FMN1: variants seen among roughly 807,000 people sequenced by gnomAD.
FMN1 encodes formin-1.
In FMN1, 110 loss-of-function variants were observed where a neutral mutation model predicts 132.4. The observed-to-expected ratio is 0.83, with a 90% CI of 0.71 to 0.97. FMN1 has a LOEUF of 0.97. FMN1 is among the 50% of genes least tolerant of loss of function. FMN1 has a pLI of 0.00. For missense variants in FMN1, 1,792 were observed against 1,705.3 expected (o/e 1.05, Z -0.90); for synonymous variants, 722 against 651.7 (o/e 1.11, Z -1.64).
At chr15:33,064,845 T>C in intron 6 of FMN1, 112 bp downstream of exon 6, 1 of 721,258 alleles carries the variant, frequency 1.4e-6, no homozygotes. Context: ...CCCTTCAGCA[T>C]TACATTTTAT....
At chr15:32,988,470 C>G (rs1048280614) in intron 7 of FMN1, among the ~76,000 whole-genome samples, 1 of 152,164 alleles carries the variant, frequency 6.6e-6, no homozygotes, top group Non-Finnish European at 1.5e-5. Flanking sequence ...AAACCTAAGA[C>G]AGCATATTCT....
intron 5 of FMN1, among the ~76,000 whole-genome samples, chr15:33,087,429 C>T (rs2038738563): frequency 1.3e-5 from 2 of 152,100 alleles, no homozygotes; most frequent in African/African-American, 2.4e-5. Context: ...GCCTGTAAGC[C>T]CAGCTTCTCA....
At chr15:32,949,341 A>G (rs2061574593) in intron 9 of FMN1, among the ~76,000 whole-genome samples, 1 of 152,160 alleles carries the variant, frequency 6.6e-6, no homozygotes, top group Admixed American at 6.6e-5. Flanking sequence ...ATACAAGAAC[A>G]AACACATAGA....
At chr15:32,813,534 T>C (rs1419041573) in intron 17 of FMN1, among the ~76,000 whole-genome samples, 3 of 152,220 alleles carry the variant, frequency 2.0e-5, no homozygotes, top group Non-Finnish European at 4.4e-5. Flanking sequence ...ATGAAGGATT[T>C]TGTTCATTCT....
At chr15:33,058,845 TA>T (rs1243470230) in intron 6 of FMN1, among the ~76,000 whole-genome samples, 1 of 152,260 alleles carries the variant, frequency 6.6e-6, no homozygotes, top group African/African-American at 2.4e-5. Flanking sequence ...GTGGTATGAT[TA>T]AATTAAGCTA....
intron 16 of FMN1, among the ~76,000 whole-genome samples, chr15:32,859,256 G>A (rs2059209124): frequency 6.6e-6 from 1 of 152,162 alleles, no homozygotes; most frequent in African/African-American, 2.4e-5. Context: ...AGGTACAAAA[G>A]AAGATAAAAC....
At chr15:33,030,426 ACT>A (rs1297968816) in intron 6 of FMN1, among the ~76,000 whole-genome samples, 2 of 152,124 alleles carry the variant, frequency 1.3e-5, no homozygotes, top group African/African-American at 2.4e-5. Flanking sequence ...AAATCACGTC[ACT>A]CTGTGGATCT....
chr15:32,901,362 A>T (rs1264115167), intron 13 of FMN1, among the ~76,000 whole-genome samples: 1 of 152,234 alleles, frequency 6.6e-6, no homozygotes, highest in Non-Finnish European at 1.5e-5. Flanking sequence ...GAGAAGAATA[A>T]CGTGTCCTTA....
chr15:33,044,710 G>A (rs943482588), intron 6 of FMN1, among the ~76,000 whole-genome samples: 1 of 152,096 alleles, frequency 6.6e-6, no homozygotes, highest in East Asian at 1.9e-4. Context: ...GGGATGATGA[G>A]ATGACCAGCT....
chr15:33,042,429 A>C (rs1348636393), intron 6 of FMN1, among the ~76,000 whole-genome samples: 1 of 152,222 alleles, frequency 6.6e-6, no homozygotes, highest in Non-Finnish European at 1.5e-5. Context: ...CTAAGCATCC[A>C]AACAAAATTT....
At chr15:33,161,534 C>T (rs537906049) in intron 3 of FMN1, among the ~76,000 whole-genome samples, 1 of 152,282 alleles carries the variant, frequency 6.6e-6, no homozygotes, top group East Asian at 1.9e-4. Flanking sequence ...AATTCTGCCT[C>T]TCCTGTGTGA....
chr15:32,984,867 G>A (rs1482052900), intron 7 of FMN1, among the ~76,000 whole-genome samples: 1 of 149,252 alleles, frequency 6.7e-6, no homozygotes, highest in Non-Finnish European at 1.5e-5. Context: ...AAGTTTTGTT[G>A]ACATTTTTTG....
intron 6 of FMN1, among the ~76,000 whole-genome samples, chr15:33,015,298 G>T (rs992590199): frequency 2.6e-5 from 4 of 152,074 alleles, no homozygotes; most frequent in African/African-American, 9.7e-5. Flanking sequence ...TCATAATTCT[G>T]TAAAAGGGGA....
At chr15:33,017,739 C>T (rs181822578) in intron 6 of FMN1, among the ~76,000 whole-genome samples, 21 of 152,288 alleles carry the variant, frequency 1.4e-4, no homozygotes, top group African/African-American at 5.1e-4. Flanking sequence ...AGTTTCTTAC[C>T]GCTATGGTTT....
intron 6 of FMN1, among the ~76,000 whole-genome samples, chr15:33,044,400 C>G (rs2036581807): frequency 6.6e-6 from 1 of 152,176 alleles, no homozygotes; most frequent in African/African-American, 2.4e-5. Flanking sequence ...TTTTCCAGGC[C>G]CACCTATGGC....
intron 4 of FMN1, among the ~76,000 whole-genome samples, chr15:33,090,052 G>A (rs2038849760): frequency 6.6e-6 from 1 of 152,122 alleles, no homozygotes. Context: ...ACTTAATGTT[G>A]TACTGGACAC....
chr15:32,955,830 T>C (rs539856522), intron 9 of FMN1, among the ~76,000 whole-genome samples: 20 of 151,820 alleles, frequency 1.3e-4, no homozygotes, highest in Admixed American at 2.0e-4. Context: ...TGTGTGTGCG[T>C]GCGCGCACGT....
Position 33,165,893 on chromosome 15 carries a change from C to T in FMN1, c.-131-10848G>A, listed in dbSNP as rs569264540. Among the ~76,000 whole-genome samples the T allele has an allele frequency of 2.6e-5, 4 of 152,274 alleles. No homozygotes were observed. The South Asian group carries it at 8.3e-4, about 32-fold the overall frequency. On this transcript the variant is annotated intron_variant, in intron 3 of 20. Coordinates refer to ENST00000616417, the MANE Select transcript of FMN1 (RefSeq NM_001277313.2). ...CCATCTCTCCCACTTCCCTGATAGC[C>T]ACATCTGTTGACAGAAAACCTATTT...
chr15:33,107,443 TAAAG>T (rs2039528878), intron 4 of FMN1, among the ~76,000 whole-genome samples: 2 of 152,062 alleles, frequency 1.3e-5, no homozygotes, highest in South Asian at 4.1e-4. Flanking sequence ...TCCCTGGCCT[TAAAG>T]AACATCACTG....
Sources: gnomAD v4.1 joint callset for allele counts (sites outside exome capture counted in the v4.1 genomes callset) on GRCh38, gnomAD v4.1.1 for gene constraint, MANE v1.5 for transcripts, NCBI Gene and HGNC (gene_info 2026-07-23, HGNC 2026-07-21) for gene names.